Variants in KHDC4 observed in about 807,000 individuals in gnomAD.
KHDC4 encodes the protein KH homology domain-containing protein 4.
KHDC4 carries 19 observed loss-of-function variants against 74.5 expected under a neutral mutation model. The observed-to-expected ratio is 0.26, with a 90% CI of 0.18 to 0.37. The LOEUF is 0.37. Among genes scored for constraint, KHDC4 ranks in the 10% least tolerant of loss-of-function variants. The pLI, the probability that KHDC4 is intolerant of heterozygous loss-of-function variation, is 1.00. For missense variants in KHDC4, 632 were observed against 754.1 expected (o/e 0.84, Z 1.90); for synonymous variants, 253 against 266.1 (o/e 0.95, Z 0.48).
At chr1:155,932,896 C>A (rs2102611280) in intron 2 of KHDC4, among the ~76,000 whole-genome samples, 1 of 152,232 alleles carries the variant, frequency 6.6e-6, no homozygotes, top group South Asian at 2.1e-4. Context: ...GAGATCACCC[C>A]ACTACTGCAC....
Position 155,933,786 on chromosome 1 carries a change from TG to T in KHDC4, c.101del (p.Pro34GlnfsTer43). The T allele has an allele frequency of 6.3e-7, 1 of 1,595,760 alleles. No homozygotes were observed. The highest frequency in any genetic ancestry group is 8.5e-7 in the Non-Finnish European group (1 of 1,169,594). ...APLLFLPPAA[P>X]GGEVTSSGGS... ...CCCCACTGCTGGTGACCTCCCCACC[TG>T]GGGCCGCTGGCGGGAGGAAGAGAAG... On this transcript the variant is annotated frameshift_variant, in exon 2 of 14. Coordinates refer to ENST00000368321, the MANE Select transcript of KHDC4 (RefSeq NM_014949.4). LOFTEE classifies it high-confidence loss of function.
At chr1:155,926,903 GT>G (rs1674013057) in intron 5 of KHDC4, 64 bp from the exon 6 acceptor site, 9 of 1,566,686 alleles carry the variant, frequency 5.7e-6, no homozygotes, top group Middle Eastern at 3.5e-4. Context: ...GCAGGCCAGT[GT>G]TCAATTATTC....
At position 155,927,096 on chromosome 1, in the gene KHDC4, T is replaced by C. The variant is rs1466477340; in HGVS notation, c.517+8A>G. On this transcript the variant is annotated splice_region_variant and intron_variant, in intron 5 of 13. Transcript: ENST00000368321. ...AAAAGTGCTACGTGAGCCAAAAACA[T>C]TACTTACTGTCCACTAATTCCCGTG... 1 of 1,613,470 alleles carries C rather than the reference T, an allele frequency of 6.2e-7. No homozygotes were observed. The highest frequency in any genetic ancestry group is 1.7e-5 in the Admixed American group (1 of 60,006).
intron 13 of KHDC4, chr1:155,914,899 T>C (rs570250757): frequency 6.5e-6 from 1 of 152,780 alleles, no homozygotes; most frequent in East Asian, 1.9e-4. Context: ...ATTCACATAA[T>C]ATAGGCAACA....
intron 8 of KHDC4, 88 bp downstream of exon 8, chr1:155,923,539 G>A: frequency 1.0e-6 from 1 of 976,588 alleles, no homozygotes; most frequent in South Asian, 1.3e-5. Context: ...AGCAGTACTA[G>A]GAAACTAAAC....
chr1:155,923,066 G>A (rs1050534628), intron 8 of KHDC4, among the ~76,000 whole-genome samples: 13 of 151,630 alleles, frequency 8.6e-5, no homozygotes, highest in Non-Finnish European at 1.8e-4. Flanking sequence ...GTAGCCGGGC[G>A]TAGTGGCGGG....
At chr1:155,923,763 G>T in intron 7 of KHDC4, 76 bp from the exon 8 acceptor site, 2 of 1,149,430 alleles carry the variant, frequency 1.7e-6, no homozygotes, top group Non-Finnish European at 2.6e-6. Flanking sequence ...CATTTTCCAT[G>T]CTATTTTACA....
intron 9 of KHDC4, 58 bp downstream of exon 9, chr1:155,921,803 T>C (rs187410465): frequency 9.0e-6 from 13 of 1,437,588 alleles, no homozygotes; most frequent in East Asian, 2.3e-5. Context: ...TCAAGTATCA[T>C]AGTTACACAT....
At chr1:155,921,790 G>T in intron 9 of KHDC4, 71 bp downstream of exon 9, 1 of 1,427,244 alleles carries the variant, frequency 7.0e-7, no homozygotes, top group Non-Finnish European at 9.8e-7. Context: ...GCACAGTCTA[G>T]CCTCAAGTAT....
At chr1:155,925,898 A>G in intron 6 of KHDC4, 55 bp from the exon 7 acceptor site, 1 of 1,350,378 alleles carries the variant, frequency 7.4e-7, no homozygotes, top group Non-Finnish European at 1.1e-6. Flanking sequence ...TAAATCCTCA[A>G]TCTTTGAAAT....
chr1:155,926,047 A>C (rs1386574974), intron 6 of KHDC4: 3 of 740,166 alleles, frequency 4.1e-6, no homozygotes, highest in Non-Finnish European at 7.4e-6. Context: ...GTATCAGCAA[A>C]GTCTTACTTC....
intron 6 of KHDC4, 86 bp from the exon 7 acceptor site, chr1:155,925,929 CA>C: frequency 8.8e-7 from 1 of 1,139,430 alleles, no homozygotes; most frequent in Non-Finnish European, 1.3e-6. Flanking sequence ...GAAATTATAG[CA>C]AAGACAGTCT....
At position 155,915,983 on chromosome 1, in the gene KHDC4, A is replaced by C. The variant is rs1673722433; in HGVS notation, c.1554-19T>G. The C allele has an allele frequency of 6.7e-7, 1 of 1,498,126 alleles. No individual in the cohort carries two copies. The highest frequency in any genetic ancestry group is 2.0e-5 in the Admixed American group (1 of 48,852). The allele number at this position is 1,498,126 out of a possible 1,614,324, so 92.8% of individuals were successfully genotyped here. A position where few individuals can be genotyped will look rare whatever the true frequency, so the allele number is the denominator to read the frequency against. Reference sequence around the variant, plus strand: ...CAACTGCCTATTGAAAAACAAAATGAAACTTTCTTTCAGACAATTTAAATT... The same window carrying C: ...CAACTGCCTATTGAAAAACAAAATGCAACTTTCTTTCAGACAATTTAAATT... On this transcript the variant is annotated intron_variant, in intron 12 of 13. Coordinates refer to ENST00000368321, the MANE Select transcript of KHDC4 (RefSeq NM_014949.4).
chr1:155,922,988 G>C (rs1673899162), intron 8 of KHDC4, among the ~76,000 whole-genome samples: 2 of 152,016 alleles, frequency 1.3e-5, no homozygotes, highest in African/African-American at 4.8e-5. Context: ...GGCGGATCAC[G>C]AGGTCAGGAG....
At chr1:155,928,321 C>A (rs1242959301) in intron 4 of KHDC4, among the ~76,000 whole-genome samples, 1 of 151,952 alleles carries the variant, frequency 6.6e-6, no homozygotes. Flanking sequence ...TTGCAGTGAG[C>A]CGAGATGGCG....
Position 155,925,713 on chromosome 1 carries a change from A to G in KHDC4, c.812T>C (p.Val271Ala), listed in dbSNP as rs545872701. The part of the protein sequence containing the change: ...QHIQIETGAK[V>A]FLRGKGSGCI... ...GCCTGAACCTTTGCCCCGCAGGAAG[A>G]CTTTGGCACCTGTTTCAATCTGAAT... The change falls in exon 7 of 14, where the codon GTC becomes GCC. Residue 271 changes from valine (V) to alanine (A), a missense_variant. Val to Ala is a moderately conservative substitution (Grantham distance 64, BLOSUM62 0). Transcript: ENST00000368321. The G allele has an allele frequency of 1.2e-5, 20 of 1,614,046 alleles. No individual in the cohort carries two copies. The highest frequency in any genetic ancestry group is 1.7e-5 in the Non-Finnish European group (20 of 1,180,048).
Position 155,934,404 on chromosome 1 carries a change from C to T in KHDC4, c.-31G>A, listed in dbSNP as rs749334474. ...CCGCTTCTACTCAACCACCCGCCAA[C>T]TATCCGACTACCACCTCTCGTCACT... On this transcript the variant is annotated 5_prime_UTR_variant, in exon 1 of 14. Coordinates refer to ENST00000368321, the MANE Select transcript of KHDC4 (RefSeq NM_014949.4). 3 of 1,610,324 alleles carry T rather than the reference C, an allele frequency of 1.9e-6. No individual in the cohort carries two copies. The highest frequency in any genetic ancestry group is 2.5e-6 in the Non-Finnish European group (3 of 1,178,760).
intron 10 of KHDC4, among the ~76,000 whole-genome samples, chr1:155,920,929 G>A (rs1557967604): frequency 6.6e-6 from 1 of 152,204 alleles, no homozygotes; most frequent in Non-Finnish European, 1.5e-5. Flanking sequence ...CAATGGCCAA[G>A]GGTATGGCAA....
intron 6 of KHDC4, chr1:155,926,322 G>T: frequency 6.6e-6 from 2 of 302,574 alleles, no homozygotes; most frequent in South Asian, 5.7e-5. Context: ...GTATTACTTG[G>T]CACTTTTTTT....
Sources: allele counts gnomAD v4.1 joint callset (sites outside exome capture counted in the v4.1 genomes callset), GRCh38; gene constraint gnomAD v4.1.1; transcripts MANE v1.5; gene names NCBI Gene and HGNC (gene_info 2026-07-23, HGNC 2026-07-21).